The following BRF1 variants were observed in gnomAD, a reference collection of about 807,000 sequenced individuals.
BRF1 encodes BRF1 general transcription factor IIIB subunit, also known as transcription factor IIIB 90 kDa subunit.
In BRF1, 59 loss-of-function variants were observed where a neutral mutation model predicts 81.7. The observed-to-expected ratio is 0.72, with a 90% CI of 0.59 to 0.90. The LOEUF (loss-of-function observed/expected upper bound fraction) is 0.90. Among genes scored for constraint, BRF1 ranks in the 40% least tolerant of loss-of-function variants. The probability of loss-of-function intolerance (pLI) is 0.00; values close to 1 mark genes in which losing one functional copy is unlikely to be tolerated. For synonymous variants in BRF1, 491 were observed against 395.6 expected (o/e 1.24, Z -2.86); for missense variants, 1,050 against 936.3 (o/e 1.12, Z -1.58).
chr14:105,211,093 A>AC (rs761088398), intron 17 of BRF1, 29 bp downstream of exon 17: 9 of 1,604,148 alleles, frequency 5.6e-6, no homozygotes, highest in Non-Finnish European at 7.6e-6. Context: ...TTTCCCTTGA[A>AC]CCCCTCCCTG....
At chr14:105,243,286 A>C (rs1264022095) in intron 5 of BRF1, among the ~76,000 whole-genome samples, 2 of 80,648 alleles carry the variant, frequency 2.5e-5, no homozygotes, top group Non-Finnish European at 6.0e-5. Context: ...ACTAAAATAC[A>C]AAAAAAAAAA....
chr14:105,226,358 C>T, intron 8 of BRF1, 68 bp from the exon 9 acceptor site: 1 of 1,599,480 alleles, frequency 6.3e-7, no homozygotes, highest in Non-Finnish European at 8.6e-7. Flanking sequence ...CTCTGGGGTG[C>T]CGCGTGGGCC....
intron 1 of BRF1, among the ~76,000 whole-genome samples, chr14:105,313,058 C>T (rs978724746): frequency 1.3e-5 from 2 of 152,200 alleles, no homozygotes; most frequent in Admixed American, 1.3e-4. Flanking sequence ...AGGGGCACCG[C>T]TCAATGGTGG....
In BRF1 at chr14:105,209,487, G is replaced by C. The variant is rs772889932; in HGVS notation, c.*1064C>G. The C allele has an allele frequency of 1.4e-6, 1 of 700,996 alleles. No homozygotes were observed. The highest frequency in any genetic ancestry group is 1.7e-5 in the African/African-American group (1 of 57,290). 43.4% of individuals were successfully genotyped at this position (700,996 alleles called of 1,614,324 possible). ...AGGCCCCTGGGGGTCAGTGAGGCAC[G>C]GCTCTGCCTCAAGGCCACCCCCTCC... On this transcript the variant is annotated 3_prime_UTR_variant, in exon 18 of 18. Transcript: ENST00000547530.
At chr14:105,282,412 T>C (rs1315340310) in intron 2 of BRF1, among the ~76,000 whole-genome samples, 1 of 152,158 alleles carries the variant, frequency 6.6e-6, no homozygotes, top group East Asian at 1.9e-4. Flanking sequence ...AATCAAGACT[T>C]CACCAAAACA....
At chr14:105,294,464 G>A (rs587639873) in intron 1 of BRF1, among the ~76,000 whole-genome samples, 9 of 152,350 alleles carry the variant, frequency 5.9e-5, no homozygotes, top group South Asian at 2.1e-4. Context: ...GTGCCTGCCC[G>A]GGAAACCCTG....
intron 11 of BRF1, 144 bp from the exon 12 acceptor site, chr14:105,220,274 C>T: frequency 1.3e-6 from 1 of 797,570 alleles, no homozygotes; most frequent in East Asian, 2.7e-5. Context: ...GTGGGTCGCG[C>T]CCTGTCTGCC....
chr14:105,287,165 C>T (rs1290644012), intron 1 of BRF1, among the ~76,000 whole-genome samples: 1 of 152,234 alleles, frequency 6.6e-6, no homozygotes. Context: ...ACGACGTCCA[C>T]CACATTCTGC....
intron 3 of BRF1, among the ~76,000 whole-genome samples, chr14:105,270,755 C>T (rs587674393): frequency 6.6e-6 from 1 of 151,580 alleles, no homozygotes; most frequent in African/African-American, 2.4e-5. Flanking sequence ...ACTACCACTG[C>T]ACTCCAGCCT....
Position 105,284,739 on chromosome 14 carries a change from A to G in BRF1, c.265+1557T>C, listed in dbSNP as rs1309023853. Among the ~76,000 whole-genome samples, 1 of 152,198 alleles carries G rather than the reference A, an allele frequency of 6.6e-6. No individual in the cohort carries two copies. Among genetic ancestry groups the G allele is most frequent in the Admixed American group, 6.5e-5 (1 of 15,268 alleles). On this transcript the variant is annotated intron_variant, in intron 2 of 17. Coordinates refer to ENST00000547530, the MANE Select transcript of BRF1 (RefSeq NM_001519.4). This position sits in a 1 kb window ranked among gnomAD's most constrained non-coding sequence, Gnocchi z 4.0. ...GGTGAAGACTGGATGCTTCCCCAGG[A>G]TCAAGGACAAGAGGATGTCTGTTCA... is the stretch of plus-strand genomic sequence containing the variant.
chr14:105,219,965 T>C, intron 12 of BRF1, 104 bp downstream of exon 12: 5 of 1,305,428 alleles, frequency 3.8e-6, no homozygotes, highest in Non-Finnish European at 5.4e-6. Context: ...CGGGGTGGGC[T>C]CTGGGCAGGG....
chr14:105,228,935 C>T, intron 6 of BRF1, 22 bp from the exon 7 acceptor site: 1 of 1,611,162 alleles, frequency 6.2e-7, no homozygotes, highest in Non-Finnish European at 8.5e-7. Flanking sequence ...CGAGACGGGC[C>T]TCGTCAACCA....
intron 6 of BRF1, 63 bp from the exon 7 acceptor site, chr14:105,228,976 GC>G: frequency 1.4e-6 from 2 of 1,475,046 alleles, no homozygotes; most frequent in Non-Finnish European, 1.9e-6. Flanking sequence ...ATCTGTGGCG[GC>G]CCAGGACAAC....
intron 3 of BRF1, among the ~76,000 whole-genome samples, chr14:105,257,743 GA>G (rs1427998772): frequency 3.3e-5 from 5 of 152,168 alleles, no homozygotes; most frequent in Non-Finnish European, 7.3e-5. Flanking sequence ...ACTACCTGGG[GA>G]AACGCCCGTG....
chr14:105,243,629 G>T (rs2054874458), intron 5 of BRF1, among the ~76,000 whole-genome samples: 1 of 151,594 alleles, frequency 6.6e-6, no homozygotes, highest in Admixed American at 6.6e-5. Context: ...GAAAGAAAAA[G>T]ATGTACTAAT....
intron 2 of BRF1, among the ~76,000 whole-genome samples, chr14:105,278,827 G>C (rs966101598): frequency 6.6e-6 from 1 of 151,940 alleles, no homozygotes; most frequent in Non-Finnish European, 1.5e-5. Flanking sequence ...GGCAGATCAC[G>C]AGGTCAAGAG....
chr14:105,272,682 A>G (rs370354426), intron 3 of BRF1, 39 bp downstream of exon 3: 9 of 1,557,360 alleles, frequency 5.8e-6, no homozygotes, highest in African/African-American at 4.1e-5. Flanking sequence ...CTAAGCATCA[A>G]GATGGGGCCC....
At chr14:105,305,820 C>A (rs904443230), upstream of BRF1, among the ~76,000 whole-genome samples, 9 of 152,250 alleles carry the variant, frequency 5.9e-5, no homozygotes, top group Non-Finnish European at 1.0e-4. Context: ...CTCAGAGCAC[C>A]CACACTGGGC....
chr14:105,251,367 G>A (rs1434512873), intron 5 of BRF1, among the ~76,000 whole-genome samples: 2 of 152,216 alleles, frequency 1.3e-5, no homozygotes, highest in Middle Eastern at 6.3e-3. Flanking sequence ...ACTGTCGGGG[G>A]AGCATTCTGC....
Sources: gnomAD v4.1 joint callset for allele counts (sites outside exome capture counted in the v4.1 genomes callset) on GRCh38, gnomAD v4.1.1 for gene constraint, Gnocchi (gnomAD v3.1) non-coding constraint, MANE v1.5 for transcripts, NCBI Gene and HGNC (gene_info 2026-07-23, HGNC 2026-07-21) for gene names.